Variants in TOX3 observed in about 807,000 individuals in gnomAD.
TOX3 encodes the protein TOX high mobility group box family member 3, also known as CAG trinucleotide repeat-containing gene F9 protein.
Under a neutral mutation model 64.3 loss-of-function variants are expected in TOX3, and 22 were observed. The ratio of observed to expected loss-of-function variants is 0.34; its 90% CI spans 0.24 to 0.49. The LOEUF (loss-of-function observed/expected upper bound fraction) is 0.49. Ranked by LOEUF, TOX3 falls within the 20% of genes least tolerant of loss-of-function variation. The pLI, the probability that TOX3 is intolerant of heterozygous loss-of-function variation, is 0.99. For synonymous variants in TOX3, 291 were observed against 273.6 expected, an observed-to-expected ratio of 1.06 and a Z score of -0.63; for missense variants, 661 against 714.4, an observed-to-expected ratio of 0.93 and a Z score of 0.85.
At chr16:52,476,342 G>T (rs547516407) in intron 1 of TOX3, among the ~76,000 whole-genome samples, 1 of 152,108 alleles carries the variant, frequency 6.6e-6, no homozygotes, top group African/African-American at 2.4e-5. Context: ...TCTGTGAATC[G>T]CATAACCATC....
intron 1 of TOX3, among the ~76,000 whole-genome samples, chr16:52,472,750 A>G (rs776011467): frequency 6.6e-5 from 10 of 152,158 alleles, no homozygotes; most frequent in Non-Finnish European, 1.0e-4. Flanking sequence ...GGCAATTCCA[A>G]CTGTTTTAAA....
chr16:52,471,161 G>C (rs1343836701), intron 1 of TOX3, among the ~76,000 whole-genome samples: 1 of 152,102 alleles, frequency 6.6e-6, no homozygotes. Flanking sequence ...TATAATAAAA[G>C]AACTATTCTT....
chr16:52,445,806 C>T, intron 5 of TOX3, 188 bp downstream of exon 5: 1 of 604,928 alleles, frequency 1.7e-6, no homozygotes, highest in Non-Finnish European at 2.8e-6. Context: ...CATAAGCTGA[C>T]AGAGAAATCA....
intron 4 of TOX3, among the ~76,000 whole-genome samples, chr16:52,449,572 G>A (rs887945224): frequency 6.6e-6 from 1 of 152,144 alleles, no homozygotes; most frequent in Non-Finnish European, 1.5e-5. Context: ...CATCCCCAAA[G>A]GGGAATCTCA....
chr16:52,473,512 G>A (rs531963975), intron 1 of TOX3, among the ~76,000 whole-genome samples: 1 of 152,274 alleles, frequency 6.6e-6, no homozygotes, highest in East Asian at 1.9e-4. Context: ...AGTGTGCCAC[G>A]CACGGTCACA....
At chr16:52,459,205 A>G (rs1348666173) in intron 3 of TOX3, among the ~76,000 whole-genome samples, 1 of 152,034 alleles carries the variant, frequency 6.6e-6, no homozygotes, top group Non-Finnish European at 1.5e-5. Context: ...AGTCCAAGAT[A>G]CTCGAGAAGC....
At chr16:52,454,795 C>T (rs1420546) in intron 3 of TOX3, among the ~76,000 whole-genome samples, 110,192 of 152,036 alleles carry the variant, frequency 0.72, 40,909 homozygotes, top group East Asian at 0.88. Context: ...AATTACCATG[C>T]GATTATTTTA....
rs1043413360 is a variant in TOX3 at position 52,520,577 on chromosome 16, C to G, written c.87+26060G>C. 2.6e-5 allele frequency among the ~76,000 whole-genome samples: 4 copies of G among 152,198 alleles called. No individual in the cohort carries two copies. The East Asian group carries it at 7.7e-4, about 29-fold the overall frequency. ...GGTCCACACTCTTCCTTATCCAAAA[C>G]CTTAGGGCCAGATGTATTTTACAGT... On this transcript the variant is annotated intron_variant, in intron 1 of 6. Coordinates refer to ENST00000219746, the MANE Select transcript of TOX3 (RefSeq NM_001080430.4).
intron 1 of TOX3, among the ~76,000 whole-genome samples, chr16:52,496,145 G>A (rs1961844474): frequency 6.6e-6 from 1 of 152,162 alleles, no homozygotes; most frequent in Non-Finnish European, 1.5e-5. Context: ...GTATAAAACT[G>A]TCAAGCAGAT....
At chr16:52,536,496 T>C (rs1962946696) in intron 1 of TOX3, among the ~76,000 whole-genome samples, 1 of 150,400 alleles carries the variant, frequency 6.6e-6, no homozygotes, top group East Asian at 2.0e-4. Flanking sequence ...GGAGGAGTGG[T>C]AAGAAAATGA....
chr16:52,495,192 T>C (rs1961810353), intron 1 of TOX3, among the ~76,000 whole-genome samples: 1 of 152,270 alleles, frequency 6.6e-6, no homozygotes, highest in South Asian at 2.1e-4. Flanking sequence ...CTTTAAGACA[T>C]CATAATAAAA....
intron 3 of TOX3, among the ~76,000 whole-genome samples, chr16:52,458,788 T>C (rs1960603757): frequency 6.6e-6 from 1 of 152,144 alleles, no homozygotes; most frequent in Non-Finnish European, 1.5e-5. Flanking sequence ...AAGCTCAGTG[T>C]GGTACAAGGC....
intron 1 of TOX3, among the ~76,000 whole-genome samples, chr16:52,484,209 T>C (rs1443620751): frequency 1.3e-5 from 2 of 152,228 alleles, no homozygotes; most frequent in African/African-American, 2.4e-5. Context: ...TCCAAGAGTT[T>C]TCATTCATCA....
At position 52,439,775 on chromosome 16, in the gene TOX3, A is replaced by G; in HGVS notation, c.1181T>C (p.Met394Thr). Residue 394 changes from methionine to threonine, a missense_variant, in exon 7 of 7, where the codon ATG becomes ACG. Physicochemically the swap from Met to Thr is moderately conservative, Grantham distance 81 (BLOSUM62 -1). This residue lies in a region of TOX3 where 299 missense variants were observed against 292.1 expected (regional missense o/e 1.02). Coordinates refer to ENST00000219746, the MANE Select transcript of TOX3 (RefSeq NM_001080430.4). ...GGTGACTGATGTGACAATCTGGTTC[A>G]TGGGGAGTCTCATGGTTAAGGGTTT... The part of the protein sequence containing the change: ...APKPLTMRLP[M>T]NQIVTSVTIA... 1 of 1,613,934 alleles carries G rather than the reference A, an allele frequency of 6.2e-7. No homozygotes were observed. The highest frequency in any genetic ancestry group is 8.5e-7 in the Non-Finnish European group (1 of 1,179,872).
chr16:52,465,411 T>G (rs1960832481), intron 2 of TOX3, among the ~76,000 whole-genome samples: 1 of 151,588 alleles, frequency 6.6e-6, no homozygotes, highest in Non-Finnish European at 1.5e-5. Flanking sequence ...TGGGGGGATT[T>G]TTTTGGCGAG....
At chr16:52,516,905 T>C (rs1011251872) in intron 1 of TOX3, among the ~76,000 whole-genome samples, 1 of 152,110 alleles carries the variant, frequency 6.6e-6, no homozygotes, top group Non-Finnish European at 1.5e-5. Flanking sequence ...GTATGTAACA[T>C]ATCTGACTCC....
chr16:52,491,141 A>G (rs1224652789), intron 1 of TOX3, among the ~76,000 whole-genome samples: 1 of 152,144 alleles, frequency 6.6e-6, no homozygotes, highest in Admixed American at 6.5e-5. Context: ...CTTTGTTTAT[A>G]TAGCCTCATT....
At chr16:52,538,071 A>G (rs1217028087) in intron 1 of TOX3, among the ~76,000 whole-genome samples, 2 of 152,156 alleles carry the variant, frequency 1.3e-5, no homozygotes, top group Non-Finnish European at 2.9e-5. Context: ...CATTTTTACT[A>G]AAACAATCAT....
intron 1 of TOX3, among the ~76,000 whole-genome samples, chr16:52,538,493 T>G (rs907844692): frequency 6.6e-6 from 1 of 152,218 alleles, no homozygotes; most frequent in Non-Finnish European, 1.5e-5. Context: ...AACTCACTCT[T>G]ATCACCATCT....
Sources: gnomAD v4.1 joint callset for allele counts (sites outside exome capture counted in the v4.1 genomes callset) on GRCh38, gnomAD v4.1.1 for gene constraint, gnomAD v4.1.1 regional missense constraint, MANE v1.5 for transcripts, NCBI Gene and HGNC (gene_info 2026-07-23, HGNC 2026-07-21) for gene names.